Variants in PPEF1 observed in about 807,000 individuals in gnomAD.
PPEF1 encodes the protein protein phosphatase with EF-hand domain 1.
PPEF1 carries 12 observed loss-of-function variants against 53.3 expected under a neutral mutation model. The observed-to-expected ratio is 0.23, with a 90% CI of 0.14 to 0.36. PPEF1 has a LOEUF of 0.36. Ranked by LOEUF, PPEF1 falls within the 10% of genes least tolerant of loss-of-function variation. PPEF1 has a pLI of 1.00. For synonymous variants in PPEF1, 165 were observed against 176.7 expected, an observed-to-expected ratio of 0.93 and a Z score of 0.52; for missense variants, 334 against 490.4, an observed-to-expected ratio of 0.68 and a Z score of 3.01.
upstream of PPEF1, among the ~76,000 whole-genome samples, chrX:18,680,862 C>T (rs1380694684): frequency 5.7e-5 from 6 of 104,677 alleles, no homozygotes; most frequent in Non-Finnish European, 1.2e-4. Context: ...TGAAAACATG[C>T]AGTGTTTGGT....
chrX:18,805,517 C>T lies in PPEF1; in HGVS notation c.1252-886C>T, dbSNP rs752852782. Among the ~76,000 whole-genome samples, 13 of 111,286 alleles carry T rather than the reference C, an allele frequency of 1.2e-4. No homozygotes were observed. The South Asian group carries it at 3.4e-3, about 29-fold the overall frequency. On this transcript the variant is annotated intron_variant, in intron 11 of 15. Transcript: ENST00000470157. ...AAGTGACATGCTCATCAGGACAGAA[C>T]GGGGCCTAAACCAGGTTCCCTGTCA...
At chrX:18,761,604 C>T (rs767935952) in intron 6 of PPEF1, 28 bp downstream of exon 6, 2 of 1,134,995 alleles carry the variant, frequency 1.8e-6, no homozygotes, top group Admixed American at 2.2e-5. Context: ...TAAATATTAA[C>T]ATTTTTCTTG....
intron 10 of PPEF1, among the ~76,000 whole-genome samples, chrX:18,794,007 G>C (rs1390118977): frequency 9.0e-6 from 1 of 111,545 alleles, no homozygotes; most frequent in East Asian, 2.9e-4. Flanking sequence ...TTTAAGCTTC[G>C]GACCCATCTG....
At chrX:18,699,372 G>A in intron 5 of PPEF1, among the ~76,000 whole-genome samples, 1 of 111,887 alleles carries the variant, frequency 8.9e-6, no homozygotes, top group East Asian at 2.8e-4. Context: ...AGCAGCTTGG[G>A]TGGGGTTATG....
intron 6 of PPEF1, among the ~76,000 whole-genome samples, chrX:18,762,163 T>C (rs1429503653): frequency 9.0e-6 from 1 of 111,617 alleles, no homozygotes; most frequent in East Asian, 2.8e-4. Context: ...ATCTCTTTGA[T>C]TGGATTTTTT....
At chrX:18,744,001 G>A (rs1457282251) in intron 3 of PPEF1, among the ~76,000 whole-genome samples, 3 of 109,108 alleles carry the variant, frequency 2.7e-5, no homozygotes, top group South Asian at 4.0e-4. Context: ...AGTGATTCTC[G>A]TGCCTCAGGC....
At chrX:18,734,592 T>G (rs192392739) in intron 3 of PPEF1, among the ~76,000 whole-genome samples, 90 of 111,323 alleles carry the variant, frequency 8.1e-4, no homozygotes, top group African/African-American at 2.7e-3. Context: ...TAAACATACG[T>G]GTGCATGTCT....
At chrX:18,749,709 A>G in intron 3 of PPEF1, 83 bp from the exon 4 acceptor site, 7 of 716,732 alleles carry the variant, frequency 9.8e-6, no homozygotes, top group Non-Finnish European at 1.4e-5. Context: ...TAGGTATTCA[A>G]GAAGATATTT....
In PPEF1 at chrX:18,740,261, A is replaced by C. The variant is rs192094640; in HGVS notation, c.235+6453A>C. Among the ~76,000 whole-genome samples, 297 of 112,369 alleles carry C rather than the reference A, an allele frequency of 2.6e-3. 8 individuals are homozygous for C. Among genetic ancestry groups the C allele is most frequent in the Admixed American group, 0.024 (253 of 10,597 alleles). On this transcript the variant is annotated intron_variant, in intron 3 of 15. Coordinates refer to ENST00000470157, the MANE Select transcript of PPEF1 (RefSeq NM_001377996.1). ...GCTGTTCCTATTCGGCCATCTTGGA[A>C]CCAAGATCAAGGGAACTTCATTTTT...
intron 12 of PPEF1, among the ~76,000 whole-genome samples, chrX:18,815,065 A>C (rs757082772): frequency 9.0e-6 from 1 of 111,541 alleles, no homozygotes; most frequent in African/African-American, 3.3e-5. Context: ...TCTGCGTATG[A>C]ATAGCCAGTT....
chrX:18,769,708 A>G (rs1160625921), intron 6 of PPEF1, among the ~76,000 whole-genome samples: 1 of 111,490 alleles, frequency 9.0e-6, no homozygotes, highest in Admixed American at 9.6e-5. Flanking sequence ...ATTTTCTATC[A>G]CTGAAATGCT....
chrX:18,777,877 T>G lies in PPEF1; in HGVS notation c.559-1133T>G, dbSNP rs1309686893. ...TCTCCTGCCTCATCACCTGAGTAGC[T>G]GGGATTATAGGCGCACACCACCACG... is the stretch of plus-strand genomic sequence containing the variant. On this transcript the variant is annotated intron_variant, in intron 6 of 15. Coordinates refer to ENST00000470157, the MANE Select transcript of PPEF1 (RefSeq NM_001377996.1). Among the ~76,000 whole-genome samples the G allele has an allele frequency of 4.5e-5, 5 of 110,690 alleles. No individual in the cohort carries two copies. In the East Asian group the frequency reaches 1.4e-3, roughly 31 times the overall value.
intron 2 of PPEF1, among the ~76,000 whole-genome samples, chrX:18,731,124 A>C (rs1273933611): frequency 8.9e-6 from 1 of 112,618 alleles, no homozygotes; most frequent in African/African-American, 3.2e-5. Context: ...TATAGTTGCT[A>C]ATGAAAAAAT....
chrX:18,788,066 G>C (rs2238943), intron 9 of PPEF1, among the ~76,000 whole-genome samples: 42,935 of 110,696 alleles, frequency 0.39, 7,260 homozygotes, highest in Non-Finnish European at 0.54. Flanking sequence ...CCTGTAATCC[G>C]AGCACTTTGG....
intron 12 of PPEF1, among the ~76,000 whole-genome samples, chrX:18,815,889 T>A (rs1209523454): frequency 9.2e-6 from 1 of 108,820 alleles, no homozygotes; most frequent in Non-Finnish European, 1.9e-5. Context: ...TCCAATTTTT[T>A]ATTTTATTTA....
upstream of PPEF1, among the ~76,000 whole-genome samples, chrX:18,707,119 G>A (rs1352286925): frequency 9.1e-6 from 1 of 109,366 alleles, no homozygotes; most frequent in East Asian, 2.8e-4. Flanking sequence ...GAGCCACTGC[G>A]ACCGGCTGCC....
At chrX:18,742,639 A>G (rs1183260692) in intron 3 of PPEF1, among the ~76,000 whole-genome samples, 1 of 111,265 alleles carries the variant, frequency 9.0e-6, no homozygotes, top group African/African-American at 3.3e-5. Context: ...TGGATGGATC[A>G]CTTGAGATCA....
intron 4 of PPEF1, among the ~76,000 whole-genome samples, chrX:18,755,865 G>A (rs1165908374): frequency 1.8e-5 from 2 of 111,300 alleles, no homozygotes; most frequent in Non-Finnish European, 3.8e-5. Context: ...ATCCGTGGTA[G>A]CATGGATCAG....
chrX:18,737,473 A>G (rs1295972258), intron 3 of PPEF1, among the ~76,000 whole-genome samples: 1 of 111,987 alleles, frequency 8.9e-6, no homozygotes, highest in Non-Finnish European at 1.9e-5. Flanking sequence ...GTTTGATTGC[A>G]CTGTGGTCTG....
Sources: gnomAD v4.1 joint callset for allele counts (sites outside exome capture counted in the v4.1 genomes callset) on GRCh38, gnomAD v4.1.1 for gene constraint, MANE v1.5 for transcripts, NCBI Gene and HGNC (gene_info 2026-07-23, HGNC 2026-07-21) for gene names.